Variants in PLOD2 observed in about 807,000 individuals in gnomAD.
The protein encoded by PLOD2 is procollagen-lysine,2-oxoglutarate 5-dioxygenase 2, also known as lysine hydroxylase 2.
PLOD2 carries 65 observed loss-of-function variants against 101.0 expected under a neutral mutation model. That is an observed-to-expected ratio of 0.64 (90% confidence interval 0.53 to 0.79). PLOD2 has a LOEUF of 0.79. Among genes scored for constraint, PLOD2 ranks in the 30% least tolerant of loss-of-function variants. PLOD2 has a pLI of 0.00. For missense variants in PLOD2, 909 were observed against 914.6 expected, an observed-to-expected ratio of 0.99 and a Z score of 0.08; for synonymous variants, 314 against 302.9, an observed-to-expected ratio of 1.04 and a Z score of -0.38.
chr3:146,123,591 T>C (rs1325166006), intron 2 of PLOD2, among the ~76,000 whole-genome samples: 1 of 152,206 alleles, frequency 6.6e-6, no homozygotes, highest in African/African-American at 2.4e-5. Context: ...CATTTGTTTC[T>C]AATTCCCTGC....
intron 1 of PLOD2, among the ~76,000 whole-genome samples, chr3:146,125,512 C>T (rs927101574): frequency 1.3e-5 from 2 of 151,908 alleles, no homozygotes; most frequent in African/African-American, 2.4e-5. Flanking sequence ...TTTGGGAGGC[C>T]GAGGTGAGCA....
chr3:146,152,607 G>C (rs942792484), intron 1 of PLOD2, among the ~76,000 whole-genome samples: 2 of 152,174 alleles, frequency 1.3e-5, no homozygotes, highest in African/African-American at 2.4e-5. Context: ...AAAGTGGTAG[G>C]AAGAAGTGAG....
intron 3 of PLOD2, among the ~76,000 whole-genome samples, chr3:146,120,778 A>T (rs1473154018): frequency 6.6e-6 from 1 of 152,088 alleles, no homozygotes; most frequent in Non-Finnish European, 1.5e-5. Flanking sequence ...AGGATGGAGT[A>T]GAGTGGCGCA....
At chr3:146,116,231 A>G (rs1937898842) in intron 3 of PLOD2, among the ~76,000 whole-genome samples, 1 of 151,788 alleles carries the variant, frequency 6.6e-6, no homozygotes, top group African/African-American at 2.4e-5. Context: ...CCCTCAAAAC[A>G]CACAGACACA....
chr3:146,123,268 G>T (rs986956977), intron 2 of PLOD2: 5 of 1,128,346 alleles, frequency 4.4e-6, no homozygotes, highest in African/African-American at 1.7e-5. Flanking sequence ...TTCCTACCTA[G>T]GTATCTCCTT....
intron 17 of PLOD2, among the ~76,000 whole-genome samples, chr3:146,071,685 A>C (rs1420475319): frequency 6.6e-6 from 1 of 151,846 alleles, no homozygotes. Flanking sequence ...GTTTAGCTAT[A>C]AAGTAAATAA....
At chr3:146,135,955 A>AT (rs2031205082) in intron 1 of PLOD2, among the ~76,000 whole-genome samples, 1 of 152,180 alleles carries the variant, frequency 6.6e-6, no homozygotes, top group Non-Finnish European at 1.5e-5. Flanking sequence ...AATTTCTTAC[A>AT]TGTAAGATTG....
chr3:146,111,322 G>A (rs1937628556), intron 3 of PLOD2, among the ~76,000 whole-genome samples: 1 of 152,118 alleles, frequency 6.6e-6, no homozygotes, highest in African/African-American at 2.4e-5. Flanking sequence ...CAGCATAATT[G>A]TAAAGTCACT....
chr3:146,104,235 T>G lies in PLOD2; in HGVS notation c.679+44A>C, dbSNP rs748095061. 9.5e-6 allele frequency: 10 copies of G among 1,049,016 alleles called. No individual in the cohort carries two copies. In the African/African-American group the frequency reaches 1.3e-4, roughly 13 times the overall value. The allele number at this position is 1,049,016 out of a possible 1,614,324, so 65.0% of individuals were successfully genotyped here. On this transcript the variant is annotated intron_variant, in intron 6 of 19. Transcript: ENST00000282903. Reference sequence around the variant, plus strand: ...AAGGAAAGATAGTTGAAAACACAGGTGTTTGTTTGTATACGTAAGCAATCC... The same window carrying G: ...AAGGAAAGATAGTTGAAAACACAGGGGTTTGTTTGTATACGTAAGCAATCC...
At chr3:146,079,634 C>T (rs1212953756) in intron 12 of PLOD2, among the ~76,000 whole-genome samples, 1 of 151,924 alleles carries the variant, frequency 6.6e-6, no homozygotes, top group East Asian at 1.9e-4. Flanking sequence ...CAGTGGTGCA[C>T]TAGACCCAGC....
chr3:146,137,946 G>A (rs1473038579), intron 1 of PLOD2, among the ~76,000 whole-genome samples: 1 of 152,124 alleles, frequency 6.6e-6, no homozygotes, highest in African/African-American at 2.4e-5. Context: ...AATACCGCAG[G>A]GGGAAGAAAC....
At position 146,070,031 on chromosome 3, in the gene PLOD2, T is replaced by G. The variant is rs1936064637; in HGVS notation, c.*686A>C. On this transcript the variant is annotated 3_prime_UTR_variant, in exon 20 of 20. Coordinates refer to ENST00000282903, the MANE Select transcript of PLOD2 (RefSeq NM_182943.3). ...CTAATACCTGCTTAATATAATCCAC[T>G]TTGGAAGATTCATCTGAAAGAAACA... 6.6e-6 allele frequency: 1 copy of G among 151,900 alleles called. No individual in the cohort carries two copies. The highest frequency in any genetic ancestry group is 6.6e-5 in the Admixed American group (1 of 15,186). The allele number at this position is 151,900 out of a possible 1,614,324, so 9.4% of individuals were successfully genotyped here. A position where few individuals can be genotyped will look rare whatever the true frequency, so the allele number is the denominator to read the frequency against.
At chr3:146,121,082 A>G (rs1176127833) in intron 3 of PLOD2, 30 bp downstream of exon 3, 1 of 1,488,742 alleles carries the variant, frequency 6.7e-7, no homozygotes, top group African/African-American at 1.4e-5. Context: ...TTGAATATAG[A>G]TTTTAAAATC....
At chr3:146,119,813 G>A (rs1470676804) in intron 3 of PLOD2, among the ~76,000 whole-genome samples, 1 of 152,184 alleles carries the variant, frequency 6.6e-6, no homozygotes, top group Non-Finnish European at 1.5e-5. Flanking sequence ...TGGTGTGTAT[G>A]TGCCACATTT....
chr3:146,138,447 A>G (rs2031356775), intron 1 of PLOD2, among the ~76,000 whole-genome samples: 1 of 152,192 alleles, frequency 6.6e-6, no homozygotes, highest in African/African-American at 2.4e-5. Context: ...ATCTTGGATG[A>G]CATAACCAAG....
intron 16 of PLOD2, among the ~76,000 whole-genome samples, 166 bp from the exon 17 acceptor site, chr3:146,072,831 T>C (rs532182347): frequency 5.9e-5 from 9 of 151,726 alleles, no homozygotes; most frequent in African/African-American, 2.2e-4. Flanking sequence ...ACATAAATAA[T>C]GGTGCACCTC....
chr3:146,136,411 C>T (rs563870000), intron 1 of PLOD2, among the ~76,000 whole-genome samples: 14 of 152,030 alleles, frequency 9.2e-5, no homozygotes, highest in South Asian at 2.1e-4. Context: ...AGGAGGACAG[C>T]GAAAACTTTA....
chr3:146,072,273 GAC>G lies in PLOD2; in HGVS notation c.1848+286_1848+287del, dbSNP rs201942820. Among the ~76,000 whole-genome samples, 122 of 108,764 alleles carry G rather than the reference GAC, an allele frequency of 1.1e-3. 1 individual carries two copies. The highest frequency in any genetic ancestry group is 1.9e-3 in the Non-Finnish European group (93 of 50,198). 71.4% of individuals were successfully genotyped at this position (108,764 alleles called of 152,430 possible). ...GAAAAGAGTGACATCACTCTGTAAA[GAC>G]ATGTGTTACCTAACAAACTCTGGCC... is the stretch of plus-strand genomic sequence containing the variant. On this transcript the variant is annotated intron_variant, in intron 17 of 19. Transcript: ENST00000282903.
At chr3:146,089,027 T>A (rs1936886420) in intron 8 of PLOD2, among the ~76,000 whole-genome samples, 1 of 151,612 alleles carries the variant, frequency 6.6e-6, no homozygotes, top group African/African-American at 2.4e-5. Flanking sequence ...AAATAGCCCT[T>A]GCAGAAACTT....
Sources: gnomAD v4.1 joint callset for allele counts (sites outside exome capture counted in the v4.1 genomes callset) on GRCh38, gnomAD v4.1.1 for gene constraint, MANE v1.5 for transcripts, NCBI Gene and HGNC (gene_info 2026-07-23, HGNC 2026-07-21) for gene names.